C12orf60: variants seen among roughly 807,000 people sequenced by gnomAD.
C12orf60 encodes chromosome 12 open reading frame 60.
For synonymous variants in C12orf60, 102 were observed against 94.6 expected (o/e 1.08, Z -0.45); for missense variants, 284 against 283.2 (o/e 1.00, Z -0.02).
chr12:14,818,372 T>C (rs970072001), intron 1 of C12orf60, among the ~76,000 whole-genome samples: 1 of 152,236 alleles, frequency 6.6e-6, no homozygotes, highest in Non-Finnish European at 1.5e-5. Context: ...CTTTTGGCAT[T>C]TTTGTCATGA....
At position 14,822,537 on chromosome 12, in the gene C12orf60, A is replaced by G. The variant is rs533330680; in HGVS notation, c.-24-375A>G. Among the ~76,000 whole-genome samples, 15 of 152,262 alleles carry G rather than the reference A, an allele frequency of 9.9e-5. No homozygotes were observed. In the Middle Eastern group the frequency reaches 0.014, roughly 138 times the overall value. ...AGATCAGATGGAGTGTGCTTAGTCTACCTTAACTGGAACCAGAGCCCCTCT... is the reference window on the plus strand; with the variant it reads ...AGATCAGATGGAGTGTGCTTAGTCTGCCTTAACTGGAACCAGAGCCCCTCT... On this transcript the variant is annotated intron_variant, in intron 1 of 1. Coordinates refer to ENST00000330828, the MANE Select transcript of C12orf60 (RefSeq NM_175874.4).
intron 1 of C12orf60, among the ~76,000 whole-genome samples, chr12:14,816,864 C>A (rs1329257065): frequency 6.6e-6 from 1 of 151,768 alleles, no homozygotes; most frequent in Non-Finnish European, 1.5e-5. Flanking sequence ...CCTCCCTCAG[C>A]CTCCCGAGTA....
At chr12:14,806,739 A>C (rs757440130) in intron 1 of C12orf60, 3 of 1,504,906 alleles carry the variant, frequency 2.0e-6, no homozygotes, top group African/African-American at 1.4e-5. Flanking sequence ...GTCTTAAAAA[A>C]TGTCTGCTAA....
In C12orf60 at chr12:14,806,745, GCTAA is replaced by G. The variant is rs1950058567; in HGVS notation, c.-25+2997_-25+3000del. The G allele has an allele frequency of 3.4e-6, 5 of 1,482,494 alleles. No homozygotes were observed. The South Asian group carries it at 5.4e-5, about 16-fold the overall frequency. The allele number at this position is 1,482,494 out of a possible 1,614,324, so 91.8% of individuals were successfully genotyped here. A position where few individuals can be genotyped will look rare whatever the true frequency, so the allele number is the denominator to read the frequency against. ...TTACTGAAAGTCTTAAAAAATGTCTGCTAACTGTGTAGAAGGGACTAGGAAATCT... is the reference window on the plus strand; with the variant it reads ...TTACTGAAAGTCTTAAAAAATGTCTGCTGTGTAGAAGGGACTAGGAAATCT... On this transcript the variant is annotated intron_variant, in intron 1 of 1. Transcript: ENST00000330828.
At chr12:14,815,999 C>T (rs765912791) in intron 1 of C12orf60, among the ~76,000 whole-genome samples, 3 of 152,228 alleles carry the variant, frequency 2.0e-5, no homozygotes, top group South Asian at 2.1e-4. Context: ...ACTGAGCCCC[C>T]TAATCAACTT....
chr12:14,822,001 T>C (rs1396188103), intron 1 of C12orf60, among the ~76,000 whole-genome samples: 2 of 84,652 alleles, frequency 2.4e-5, no homozygotes, highest in Non-Finnish European at 4.6e-5. Flanking sequence ...GTGAGGTGTG[T>C]GTGGGGGTGG....
chr12:14,808,625 A>C (rs1200571988), intron 1 of C12orf60, among the ~76,000 whole-genome samples: 1 of 152,208 alleles, frequency 6.6e-6, no homozygotes, highest in Non-Finnish European at 1.5e-5. Context: ...TATGGATATA[A>C]GTTGGCAACG....
intron 1 of C12orf60, among the ~76,000 whole-genome samples, chr12:14,812,439 G>A (rs1950155562): frequency 6.6e-6 from 1 of 150,580 alleles, no homozygotes; most frequent in Non-Finnish European, 1.5e-5. Context: ...GGGAGACTCC[G>A]TCTCAAAAAA....
intron 1 of C12orf60, chr12:14,804,804 A>T (rs1407011429): frequency 1.3e-5 from 2 of 152,242 alleles, no homozygotes. Context: ...TCATGTAGCT[A>T]AAATTTTATA....
intron 1 of C12orf60, among the ~76,000 whole-genome samples, chr12:14,809,119 T>C (rs1020359932): frequency 6.6e-6 from 1 of 152,210 alleles, no homozygotes; most frequent in Non-Finnish European, 1.5e-5. Flanking sequence ...AGTTTTCTTA[T>C]CCTGAAAAAG....
intron 1 of C12orf60, among the ~76,000 whole-genome samples, chr12:14,815,363 A>T (rs1487699187): frequency 6.6e-6 from 1 of 152,100 alleles, no homozygotes; most frequent in Non-Finnish European, 1.5e-5. Context: ...TTTGGGGAGG[A>T]TGGTGGTATA....
At chr12:14,806,637 C>T (rs201197590) in intron 1 of C12orf60, 12 of 1,610,876 alleles carry the variant, frequency 7.4e-6, no homozygotes, top group East Asian at 6.7e-5. Context: ...TACTTCTTCC[C>T]GCCTTTTTGG....
At chr12:14,805,824 T>C (rs372371636) in intron 1 of C12orf60, 1 of 681,536 alleles carries the variant, frequency 1.5e-6, no homozygotes. Flanking sequence ...GATCCAGGCA[T>C]TGTTGACTCA....
In C12orf60 at chr12:14,823,119, C is replaced by G; in HGVS notation, c.184C>G (p.Gln62Glu). Residue 62 changes from glutamine (Q) to glutamate (E), a missense_variant, in exon 2 of 2, where the codon CAA (glutamine) becomes GAA (glutamate). Coordinates refer to ENST00000330828, the MANE Select transcript of C12orf60 (RefSeq NM_175874.4). ...TAGTTACATTAAGGATTTTTTTGAG[C>G]AAATGCTCAAAATTTTTAAGGAGAT... Reference protein sequence around the residue: ...NNSYIKDFFEQMLKIFKEMQS... With the variant: ...NNSYIKDFFEEMLKIFKEMQS... 1 of 1,613,916 alleles carries G rather than the reference C, an allele frequency of 6.2e-7. No individual in the cohort carries two copies. Among genetic ancestry groups the G allele is most frequent in the Non-Finnish European group, 8.5e-7 (1 of 1,179,936 alleles).
chr12:14,806,298 G>C lies in C12orf60; in HGVS notation c.-25+2547G>C, dbSNP rs755623941. 6.2e-6 allele frequency: 10 copies of C among 1,614,088 alleles called. No homozygotes were observed. In the African/African-American group the frequency reaches 1.3e-4, roughly 22 times the overall value. On this transcript the variant is annotated intron_variant, in intron 1 of 1. Coordinates refer to ENST00000330828, the MANE Select transcript of C12orf60 (RefSeq NM_175874.4). ...CACAAGTTTAACAGCGACTGCACTGGCTGCAGATGTAGCTTCTCCCAGGAT... is the reference window on the plus strand; with the variant it reads ...CACAAGTTTAACAGCGACTGCACTGCCTGCAGATGTAGCTTCTCCCAGGAT...
At position 14,823,429 on chromosome 12, in the gene C12orf60, C is replaced by T. The variant is rs749093860; in HGVS notation, c.494C>T (p.Ser165Leu). 3.7e-6 allele frequency: 6 copies of T among 1,613,792 alleles called. No individual in the cohort carries two copies. The highest frequency in any genetic ancestry group is 3.3e-5 in the Admixed American group (2 of 59,988). The part of the protein sequence containing the change: ...DFYTEDTKEQ[S>L]DVTTSERTRS... ...TATACAGAAGACACCAAAGAGCAAT[C>T]AGATGTCACCACATCTGAGAGAACC... Residue 165 changes from serine to leucine, a missense_variant, in exon 2 of 2, where the codon TCA becomes TTA. Coordinates refer to ENST00000330828, the MANE Select transcript of C12orf60 (RefSeq NM_175874.4).
chr12:14,821,760 GT>G (rs531480243), intron 1 of C12orf60, among the ~76,000 whole-genome samples: 2,509 of 151,914 alleles, frequency 0.017, 48 homozygotes, highest in Non-Finnish European at 0.021. Flanking sequence ...CTTTCCTGGT[GT>G]TCTGGCTAGA....
chr12:14,820,313 T>G (rs557297817), intron 1 of C12orf60, among the ~76,000 whole-genome samples: 149 of 152,150 alleles, frequency 9.8e-4, no homozygotes, highest in African/African-American at 3.5e-3. Flanking sequence ...GTAGTTTTGT[T>G]GGATTTTATC....
chr12:14,811,804 G>A (rs1471966173), intron 1 of C12orf60, among the ~76,000 whole-genome samples: 2 of 152,180 alleles, frequency 1.3e-5, no homozygotes, highest in African/African-American at 2.4e-5. Context: ...ACAGTAGTGC[G>A]TTGACTGTCA....
Sources: allele counts gnomAD v4.1 joint callset (sites outside exome capture counted in the v4.1 genomes callset), GRCh38; gene constraint gnomAD v4.1.1; transcripts MANE v1.5; gene names NCBI Gene and HGNC (gene_info 2026-07-23, HGNC 2026-07-21).